The following GLIS3 variants were observed in gnomAD, a reference collection of about 807,000 sequenced individuals.
GLIS3 encodes the protein GLIS family zinc finger 3, also known as zinc finger protein GLIS3.
Under a neutral mutation model 78.6 loss-of-function variants are expected in GLIS3, and 53 were observed. The observed-to-expected ratio is 0.67, with a 90% CI of 0.54 to 0.85. GLIS3 has a LOEUF of 0.85. GLIS3 is among the 40% of genes least tolerant of loss of function. The pLI is 0.00. For synonymous variants in GLIS3, 684 were observed against 509.9 expected, an observed-to-expected ratio of 1.34 and a Z score of -4.60; for missense variants, 1,703 against 1,231.1, an observed-to-expected ratio of 1.38 and a Z score of -5.74.
chr9:4,064,629 A>C (rs528946485), intron 4 of GLIS3, among the ~76,000 whole-genome samples: 1 of 152,128 alleles, frequency 6.6e-6, no homozygotes, highest in African/African-American at 2.4e-5. Flanking sequence ...GTGTCTACTA[A>C]AAATATTATT....
chr9:3,954,295 C>T (rs1167955662), intron 4 of GLIS3, among the ~76,000 whole-genome samples: 1 of 152,174 alleles, frequency 6.6e-6, no homozygotes, highest in South Asian at 2.1e-4. Flanking sequence ...CTAGAAGCTC[C>T]TCGATAAAGA....
At chr9:3,884,280 A>G (rs1445356441) in intron 7 of GLIS3, among the ~76,000 whole-genome samples, 1 of 152,192 alleles carries the variant, frequency 6.6e-6, no homozygotes, top group African/African-American at 2.4e-5. Flanking sequence ...AGCATCCCCA[A>G]ATAAAGATTA....
intron 4 of GLIS3, among the ~76,000 whole-genome samples, chr9:4,070,472 T>C (rs935846165): frequency 1.3e-5 from 2 of 152,028 alleles, no homozygotes; most frequent in African/African-American, 2.4e-5. Flanking sequence ...CAGGAAGTGG[T>C]GGTTACTCTG....
At chr9:4,126,420 T>C (rs897247690) in intron 2 of GLIS3, among the ~76,000 whole-genome samples, 3 of 152,228 alleles carry the variant, frequency 2.0e-5, no homozygotes, top group Admixed American at 6.5e-5. Context: ...TCTGGCTGTG[T>C]CTCTCTACTC....
intron 4 of GLIS3, among the ~76,000 whole-genome samples, chr9:3,948,064 C>A (rs1275706344): frequency 1.3e-5 from 2 of 152,198 alleles, no homozygotes; most frequent in East Asian, 1.9e-4. Flanking sequence ...GCCTTCACTG[C>A]AGCTCCATCG....
At chr9:4,171,314 ATGT>A (rs1201012734) in intron 2 of GLIS3, among the ~76,000 whole-genome samples, 1 of 152,206 alleles carries the variant, frequency 6.6e-6, no homozygotes, top group Non-Finnish European at 1.5e-5. Context: ...CAAAAATGAA[ATGT>A]GTTGTACCCA....
intron 4 of GLIS3, among the ~76,000 whole-genome samples, chr9:4,045,285 G>A (rs756483252): frequency 5.3e-5 from 8 of 152,084 alleles, no homozygotes; most frequent in South Asian, 2.1e-4. Flanking sequence ...TGGATTTCAC[G>A]TAACTAAAAA....
chr9:3,911,406 T>C (rs1463854740), intron 6 of GLIS3, among the ~76,000 whole-genome samples: 2 of 152,224 alleles, frequency 1.3e-5, no homozygotes, highest in Non-Finnish European at 2.9e-5. Flanking sequence ...CTTGGCTACA[T>C]TCAACTCAAG....
At chr9:4,358,032 A>G in the GLIS3 span, among the ~76,000 whole-genome samples, 365 of 152,362 alleles carry the variant, frequency 2.4e-3, 1 homozygote, top group African/African-American at 8.3e-3. Context: ...TGTATGATCT[A>G]ATAAGAACAG....
At chr9:4,349,910 T>C (rs1382474872), upstream of GLIS3, among the ~76,000 whole-genome samples, 1 of 152,220 alleles carries the variant, frequency 6.6e-6, no homozygotes, top group East Asian at 1.9e-4. Context: ...ATGAATCTTC[T>C]GTGGGGCCTG....
Position 4,090,934 on chromosome 9 carries a change from C to G in GLIS3, c.1710+26834G>C, listed in dbSNP as rs79531601. 3.0e-3 allele frequency among the ~76,000 whole-genome samples: 463 copies of G among 152,316 alleles called. 2 individuals are homozygous for G. Among genetic ancestry groups the G allele is most frequent in the Non-Finnish European group, 4.4e-3 (299 of 68,032 alleles). On this transcript the variant is annotated intron_variant, in intron 4 of 10. Coordinates refer to ENST00000381971, the MANE Select transcript of GLIS3 (RefSeq NM_001042413.2). The stretch of plus-strand genomic sequence containing the variant: ...TCTAGAATCTGACTGCAAACCCTGG[C>G]TCAGCCATTTTCTAACTTAGGTAAG...
At chr9:4,437,689 T>A in the GLIS3 span, among the ~76,000 whole-genome samples, 36 of 152,072 alleles carry the variant, frequency 2.4e-4, no homozygotes, top group African/African-American at 7.5e-4. Flanking sequence ...CTGCCTTCCC[T>A]TCCACCTCCT....
the GLIS3 span, among the ~76,000 whole-genome samples, chr9:4,427,097 T>C: frequency 6.6e-6 from 1 of 152,142 alleles, no homozygotes; most frequent in Admixed American, 6.5e-5. Context: ...TCCATAAAAG[T>C]TTTATCTAAG....
At chr9:4,204,685 AGGCG>A (rs1819699799) in intron 2 of GLIS3, among the ~76,000 whole-genome samples, 2 of 152,142 alleles carry the variant, frequency 1.3e-5, no homozygotes, top group Admixed American at 1.3e-4. Flanking sequence ...TGGGAGGCCG[AGGCG>A]GGCAGACTGC....
At chr9:4,336,669 C>A (rs1587392613) in intron 2 of GLIS3, among the ~76,000 whole-genome samples, 1 of 152,174 alleles carries the variant, frequency 6.6e-6, no homozygotes, top group African/African-American at 2.4e-5. Flanking sequence ...ATCCACCTAA[C>A]TCCAAACCTT....
chr9:3,881,190 A>G (rs1821706788), intron 7 of GLIS3, among the ~76,000 whole-genome samples: 1 of 152,192 alleles, frequency 6.6e-6, no homozygotes, highest in African/African-American at 2.4e-5. Context: ...GGTGTTTGTC[A>G]GCATGGAGCT....
the GLIS3 span, among the ~76,000 whole-genome samples, chr9:4,434,537 G>A: frequency 6.6e-6 from 1 of 152,178 alleles, no homozygotes; most frequent in African/African-American, 2.4e-5. Context: ...CAAAGCACGT[G>A]ATTATGGAGT....
chr9:4,366,661 A>G, the GLIS3 span, among the ~76,000 whole-genome samples: 6 of 152,218 alleles, frequency 3.9e-5, no homozygotes, highest in Non-Finnish European at 7.3e-5. Flanking sequence ...AGTGATTGCG[A>G]TGGCGACGAG....
Position 3,992,221 on chromosome 9 carries a change from A to C in GLIS3, c.1711-55032T>G, listed in dbSNP as rs185885446. On this transcript the variant is annotated intron_variant, in intron 4 of 10. Coordinates refer to ENST00000381971, the MANE Select transcript of GLIS3 (RefSeq NM_001042413.2). ...TATTTTCACTTTATACAGTGCCTAG[A>C]CTAATGCTTAGTGTAAAAAAATATG... 1.1e-3 allele frequency among the ~76,000 whole-genome samples: 167 copies of C among 152,326 alleles called. 1 individual carries two copies. Among genetic ancestry groups the C allele is most frequent in the Admixed American group, 2.0e-3 (31 of 15,292 alleles).
Sources: gnomAD v4.1 joint callset for allele counts (sites outside exome capture counted in the v4.1 genomes callset) on GRCh38, gnomAD v4.1.1 for gene constraint, MANE v1.5 for transcripts, NCBI Gene and HGNC (gene_info 2026-07-23, HGNC 2026-07-21) for gene names.